WDR81: variants seen among roughly 807,000 people sequenced by gnomAD.
WDR81 encodes the protein WD repeat domain 81.
WDR81 carries 92 observed loss-of-function variants against 140.8 expected under a neutral mutation model. That is an observed-to-expected ratio of 0.65 (90% CI 0.55 to 0.78). The LOEUF is 0.78. WDR81 is among the 30% of genes least tolerant of loss of function. The probability of loss-of-function intolerance (pLI) is 0.00; values close to 1 mark genes in which losing one functional copy is unlikely to be tolerated. For synonymous variants in WDR81, 1,183 were observed against 1,156.4 expected, an observed-to-expected ratio of 1.02 and a Z score of -0.47; for missense variants, 2,502 against 2,636.4, an observed-to-expected ratio of 0.95 and a Z score of 1.12.
At position 1,727,325 on chromosome 17, in the gene WDR81, C is replaced by A; in HGVS notation, c.2366C>A (p.Thr789Lys). The change falls in exon 1 of 10, where the codon ACG (threonine) becomes AAG (lysine). Residue 789 changes from threonine (T) to lysine (K), a missense_variant. Thr to Lys is a moderately conservative substitution (Grantham distance 78, BLOSUM62 -1). Transcript: ENST00000409644. Reference protein sequence around the residue: ...AEMVFATRVRTLQPDAPLWVR... With the variant: ...AEMVFATRVRKLQPDAPLWVR... ...ATGGTGTTTGCCACCAGGGTGCGGA[C>A]GCTGCAGCCCGATGCACCTTTGTGG... The A allele has an allele frequency of 4.5e-6, 7 of 1,549,874 alleles. No individual in the cohort carries two copies. The highest frequency in any genetic ancestry group is 6.1e-6 in the Non-Finnish European group (7 of 1,146,970).
At chr17:1,731,283 A>T in intron 4 of WDR81, 25 bp downstream of exon 4, 2 of 1,608,254 alleles carry the variant, frequency 1.2e-6, no homozygotes, top group Non-Finnish European at 1.7e-6. Flanking sequence ...CAGCTGATGT[A>T]GGGGGACCGG....
chr17:1,724,392 C>G, upstream of WDR81: 1 of 808,914 alleles, frequency 1.2e-6, no homozygotes, highest in Non-Finnish European at 1.5e-6. Flanking sequence ...AGTCCCAGTT[C>G]TGCCCCTGGT....
At chr17:1,722,347 C>CT (rs543901572), upstream of WDR81, among the ~76,000 whole-genome samples, 4,695 of 138,236 alleles carry the variant, frequency 0.034, 117 homozygotes, top group East Asian at 0.096. Flanking sequence ...TTTTCTCTCT[C>CT]TTTTTTTTTT....
intron 1 of WDR81, among the ~76,000 whole-genome samples, chr17:1,730,038 C>T (rs1459204488): frequency 1.3e-5 from 2 of 149,294 alleles, no homozygotes; most frequent in East Asian, 2.0e-4. Flanking sequence ...AGGGAAAGGC[C>T]GTTATGGCGA....
intron 1 of WDR81, among the ~76,000 whole-genome samples, chr17:1,717,485 C>T (rs531897671): frequency 3.6e-4 from 55 of 152,294 alleles, no homozygotes; most frequent in Non-Finnish European, 3.5e-4. Context: ...TAAATACGCA[C>T]TCCATCAGGT....
upstream of WDR81, among the ~76,000 whole-genome samples, chr17:1,723,447 A>ATT (rs1186058718): frequency 7.7e-6 from 1 of 129,904 alleles, no homozygotes; most frequent in African/African-American, 3.0e-5. Context: ...TTTTATTTTT[A>ATT]TTTATTTATT....
At position 1,734,169 on chromosome 17, in the gene WDR81, A is replaced by T; in HGVS notation, c.5132A>T (p.His1711Leu). The T allele has an allele frequency of 6.3e-7, 1 of 1,597,694 alleles. No homozygotes were observed. The highest frequency in any genetic ancestry group is 1.1e-5 in the South Asian group (1 of 90,960). Residue 1711 changes from histidine (H) to leucine (L), a missense_variant, in exon 7 of 10, where the codon CAC becomes CTC. This residue lies in a region of WDR81 where 1,737 missense variants were observed against 1,843.0 expected (regional missense o/e 0.94). Transcript: ENST00000409644. Reference protein sequence around the residue: ...FFVGQLEAPQHVVSCDGAVHV... With the variant: ...FFVGQLEAPQLVVSCDGAVHV... ...GTGGGCCAGCTTGAGGCCCCGCAGC[A>T]CGTGGTGAGCTGTGACGGGGCTGTG... is the stretch of plus-strand genomic sequence containing the variant.
In WDR81 at chr17:1,724,780, C is replaced by G. The variant is rs1292764278; in HGVS notation, c.-180C>G. 3 of 1,167,440 alleles carry G rather than the reference C, an allele frequency of 2.6e-6. No homozygotes were observed. Among genetic ancestry groups the G allele is most frequent in the Middle Eastern group, 3.5e-4 (1 of 2,890 alleles). 72.3% of individuals were successfully genotyped at this position (1,167,440 alleles called of 1,614,324 possible). Reference sequence around the variant, plus strand: ...CGCCGCGCCCGGAGCGCAGGACCCGCGGAGGGGTAAGCGCGCCCCCCGTCC... The same window carrying G: ...CGCCGCGCCCGGAGCGCAGGACCCGGGGAGGGGTAAGCGCGCCCCCCGTCC... On this transcript the variant is annotated 5_prime_UTR_variant, in exon 1 of 10. Transcript: ENST00000409644.
Position 1,728,294 on chromosome 17 carries a change from G to A in WDR81, c.3335G>A (p.Ser1112Asn). ...AGCCTGGGCCGGCTGAGTGACAAGA[G>A]CAGCACCAGCGAGACCTCCCTGGGT... The part of the protein sequence containing the change: ...AVSLGRLSDK[S>N]STSETSLGEE... The change falls in exon 1 of 10, where the codon AGC becomes AAC. Residue 1112 changes from serine (S) to asparagine (N), a missense_variant. By Grantham distance (46) the Ser-to-Asn change is conservative (BLOSUM62 1). Around this residue, in one of 3 missense-constraint regions of WDR81, gnomAD observed 1,737 missense variants for 1,843.0 expected, o/e 0.94. Coordinates refer to ENST00000409644, the MANE Select transcript of WDR81 (RefSeq NM_001163809.2). 6.2e-7 allele frequency: 1 copy of A among 1,612,802 alleles called. No individual in the cohort carries two copies.
intron 1 of WDR81, among the ~76,000 whole-genome samples, chr17:1,728,994 C>T (rs937202710): frequency 1.3e-5 from 2 of 152,146 alleles, no homozygotes; most frequent in Admixed American, 6.6e-5. Flanking sequence ...CTGCTTCTCC[C>T]TGCACACTGG....
At chr17:1,722,842 G>A (rs1321977279), upstream of WDR81, among the ~76,000 whole-genome samples, 2 of 151,660 alleles carry the variant, frequency 1.3e-5, no homozygotes, top group African/African-American at 2.4e-5. Flanking sequence ...ACAGGCACCC[G>A]CTGCCACACC....
chr17:1,720,293 G>T (rs1914794756), upstream of WDR81, among the ~76,000 whole-genome samples: 2 of 152,292 alleles, frequency 1.3e-5, no homozygotes, highest in Non-Finnish European at 2.9e-5. Context: ...ATTCCCCAGA[G>T]CCCAAAGGTG....
chr17:1,731,035 G>A (rs1409627432), intron 3 of WDR81, 33 bp from the exon 4 acceptor site: 2 of 1,606,416 alleles, frequency 1.2e-6, no homozygotes, highest in Non-Finnish European at 1.7e-6. Context: ...GGTCTGTGGG[G>A]CTGCCCGGCC....
chr17:1,736,093 A>T lies in WDR81; in HGVS notation c.5380A>T (p.Ile1794Phe), dbSNP rs1904836681. The T allele has an allele frequency of 6.2e-7, 1 of 1,602,216 alleles. No individual in the cohort carries two copies. Among genetic ancestry groups the T allele is most frequent in the African/African-American group, 1.3e-5 (1 of 75,018 alleles). ...LNPGLVRALA[I>F]SPSGRSVVAG... The stretch of plus-strand genomic sequence containing the variant: ...CCCTGGGCTTGTCCGTGCCCTGGCC[A>T]TCAGCCCCAGTGGCCGTAGTGTCGT... The change falls in exon 9 of 10, where the codon ATC becomes TTC. Residue 1794 changes from isoleucine to phenylalanine, a missense_variant. By Grantham distance (21) the Ile-to-Phe change is conservative. Around this residue, in one of 3 missense-constraint regions of WDR81, gnomAD observed 1,737 missense variants for 1,843.0 expected, o/e 0.94. Transcript: ENST00000409644.
In WDR81 at chr17:1,725,196, A is replaced by T. The variant is rs747700065; in HGVS notation, c.237A>T (p.Ala79=). 9.8e-6 allele frequency: 15 copies of T among 1,537,468 alleles called. No homozygotes were observed. The highest frequency in any genetic ancestry group is 1.3e-5 in the Non-Finnish European group (15 of 1,146,442). ...RRLPLGPCPR[A]EGLGEAEVRT... ...TGCCCCTGGGACCCTGTCCCCGCGC[A>T]GAGGGCCTGGGAGAAGCGGAAGTCA... The change falls in exon 1 of 10, where the codon GCA becomes GCT. Residue 79 remains alanine, a synonymous_variant. Coordinates refer to ENST00000409644, the MANE Select transcript of WDR81 (RefSeq NM_001163809.2).
rs143356847 is a variant in WDR81 at position 1,716,922 on chromosome 17, T to C, written c.-124+289T>C. 31 of 539,984 alleles carry C rather than the reference T, an allele frequency of 5.7e-5. No homozygotes were observed. The African/African-American group carries it at 5.9e-4, about 10-fold the overall frequency. The allele number at this position is 539,984 out of a possible 1,614,324, so 33.4% of individuals were successfully genotyped here. A position where few individuals can be genotyped will look rare whatever the true frequency, so the allele number is the denominator to read the frequency against. The stretch of plus-strand genomic sequence containing the variant: ...CGCCCAGCCCACTCCTCCTGGGGGC[T>C]CTTCCTAACCACAGGAGGCTTTTTT... On this transcript the variant is annotated intron_variant, in intron 1 of 10. Coordinates refer to the WDR81 transcript ENST00000309182.
chr17:1,725,406 C>T lies in WDR81; in HGVS notation c.447C>T (p.Asn149=). ...MQEVAAQNYR[N]LWRHAYHTYG... ...AGGTTGCCGCCCAGAATTATCGCAA[C>T]CTGTGGCGCCATGCATACCACACTT... Residue 149 remains asparagine (N), a synonymous_variant, in exon 1 of 10, where the codon AAC becomes AAT. Transcript: ENST00000409644. 1.3e-6 allele frequency: 2 copies of T among 1,549,692 alleles called. No individual in the cohort carries two copies. Among genetic ancestry groups the T allele is most frequent in the African/African-American group, 1.4e-5 (1 of 73,186 alleles).
chr17:1,727,182 G>C lies in WDR81; in HGVS notation c.2223G>C (p.Leu741Phe), dbSNP rs1054595306. The C allele has an allele frequency of 9.7e-6, 15 of 1,548,518 alleles. No homozygotes were observed. Among genetic ancestry groups the C allele is most frequent in the Non-Finnish European group, 9.6e-6 (11 of 1,145,672 alleles). ...AGCTGGAGAAAACGGGCAACTTCTT[G>C]GCCAAAGGCCTAGGGGGCCTGTTGG... ...LEELEKTGNF[L>F]AKGLGGLLEV... The change falls in exon 1 of 10, where the codon TTG (leucine) becomes TTC (phenylalanine). Residue 741 changes from leucine to phenylalanine, a missense_variant. Physicochemically the swap from Leu to Phe is conservative, Grantham distance 22 (BLOSUM62 0). Around this residue, in one of 3 missense-constraint regions of WDR81, gnomAD observed 1,737 missense variants for 1,843.0 expected, o/e 0.94. Transcript: ENST00000409644.
Position 1,725,062 on chromosome 17 carries a change from G to T in WDR81, c.103G>T (p.Glu35Ter). The T allele has an allele frequency of 6.7e-7, 1 of 1,484,750 alleles. No individual in the cohort carries two copies. 92.0% of individuals were successfully genotyped at this position (1,484,750 alleles called of 1,614,324 possible). ...PDMQELLRSV[E>*]RDLSIDPRQL... ...CATGCAGGAGCTGCTCCGGAGCGTG[G>T]AGAGGGACCTGAGCATCGATCCCAG... The change falls in exon 1 of 10, where the codon GAG becomes TAG. Residue 35 changes from glutamate to a stop codon, truncating the protein, a stop_gained. Transcript: ENST00000409644. LOFTEE classifies it high-confidence loss of function.
Sources: gnomAD v4.1 joint callset for allele counts (sites outside exome capture counted in the v4.1 genomes callset) on GRCh38, gnomAD v4.1.1 for gene constraint, gnomAD v4.1.1 regional missense constraint, MANE v1.5 for transcripts, NCBI Gene and HGNC (gene_info 2026-07-23, HGNC 2026-07-21) for gene names.